Variants in PDZD2 observed in about 807,000 individuals in gnomAD.
The protein encoded by PDZD2 is PDZ domain containing 2.
PDZD2 carries 90 observed loss-of-function variants against 220.7 expected under a neutral mutation model. That is an observed-to-expected ratio of 0.41 (90% CI 0.34 to 0.49). PDZD2 has a LOEUF of 0.49. Among genes scored for constraint, PDZD2 ranks in the 20% least tolerant of loss-of-function variants. The probability of loss-of-function intolerance (pLI) is 0.28; values close to 1 mark genes in which losing one functional copy is unlikely to be tolerated. For missense variants in PDZD2, 3,174 were observed against 3,608.5 expected (o/e 0.88, Z 3.08); for synonymous variants, 1,375 against 1,450.5 (o/e 0.95, Z 1.18).
intron 1 of PDZD2, among the ~76,000 whole-genome samples, chr5:31,673,040 T>C (rs1365901514): frequency 6.6e-6 from 1 of 152,184 alleles, no homozygotes. Flanking sequence ...TTTGAGATAC[T>C]ACGGGGAAAG....
At chr5:31,994,152 G>A (rs1366511416) in intron 3 of PDZD2, among the ~76,000 whole-genome samples, 1 of 151,720 alleles carries the variant, frequency 6.6e-6, no homozygotes, top group Non-Finnish European at 1.5e-5. Context: ...TGAGTATCTG[G>A]GATTATAGGT....
intron 24 of PDZD2, among the ~76,000 whole-genome samples, chr5:32,104,263 GT>G (rs1376336565): frequency 1.3e-5 from 2 of 151,900 alleles, no homozygotes; most frequent in Non-Finnish European, 2.9e-5. Flanking sequence ...TGTTCATTTT[GT>G]TTTCCTGTGT....
At chr5:32,077,802 C>G in intron 19 of PDZD2, 196 bp downstream of exon 19, 1 of 498,110 alleles carries the variant, frequency 2.0e-6, no homozygotes, top group South Asian at 2.0e-5. Context: ...ACTAAAAATA[C>G]AAAAATTAGC....
At chr5:31,813,062 T>A (rs1755216122) in intron 2 of PDZD2, among the ~76,000 whole-genome samples, 1 of 152,322 alleles carries the variant, frequency 6.6e-6, no homozygotes, top group East Asian at 1.9e-4. Flanking sequence ...TTACAACCAC[T>A]AGCATTAAAG....
intron 1 of PDZD2, among the ~76,000 whole-genome samples, chr5:31,733,331 G>A (rs1432788945): frequency 9.2e-5 from 14 of 152,144 alleles, no homozygotes; most frequent in African/African-American, 2.9e-4. Flanking sequence ...AAATCCTGGG[G>A]GTTCAAATGG....
intron 6 of PDZD2, among the ~76,000 whole-genome samples, chr5:32,024,800 A>G (rs754492773): frequency 2.6e-5 from 4 of 152,260 alleles, no homozygotes; most frequent in Non-Finnish European, 5.9e-5. Context: ...GGACCACATA[A>G]TAAGCATTTC....
chr5:32,037,194 G>A, intron 6 of PDZD2, 37 bp from the exon 7 acceptor site: 1 of 1,322,870 alleles, frequency 7.6e-7, no homozygotes, highest in South Asian at 1.2e-5. Context: ...TCGCAGGGCT[G>A]GGCTCTCCCA....
chr5:31,901,874 G>T (rs1388748897), intron 2 of PDZD2, among the ~76,000 whole-genome samples: 1 of 152,108 alleles, frequency 6.6e-6, no homozygotes, highest in African/African-American at 2.4e-5. Flanking sequence ...GTGGTCTTTT[G>T]TGACTGGCTT....
At chr5:31,973,205 C>T (rs1023625154) in intron 2 of PDZD2, among the ~76,000 whole-genome samples, 2 of 152,116 alleles carry the variant, frequency 1.3e-5, no homozygotes, top group African/African-American at 4.8e-5. Flanking sequence ...ATAGAAAGGC[C>T]ATACTGTTAT....
At chr5:31,803,283 T>G (rs1754514288) in intron 2 of PDZD2, among the ~76,000 whole-genome samples, 1 of 141,992 alleles carries the variant, frequency 7.0e-6, no homozygotes, top group South Asian at 2.2e-4. Flanking sequence ...TTTTTTTTTT[T>G]GTAGAGATGG....
At chr5:31,641,725 G>T (rs1744956128) in intron 1 of PDZD2, among the ~76,000 whole-genome samples, 1 of 152,212 alleles carries the variant, frequency 6.6e-6, no homozygotes, top group African/African-American at 2.4e-5. Flanking sequence ...CTGGGCTCAA[G>T]TGATCCTGGT....
chr5:32,003,362 C>CCA lies in PDZD2; in HGVS notation c.1254+3101_1254+3102dup, dbSNP rs1300224584. ...CACCACACACACACCACACACCACA[C>CCA]CACACACACACCACACACACACCCA... On this transcript the variant is annotated intron_variant, in intron 5 of 24. Coordinates refer to ENST00000438447, the MANE Select transcript of PDZD2 (RefSeq NM_178140.4). Among the ~76,000 whole-genome samples the CCA allele has an allele frequency of 3.2e-4, 27 of 85,032 alleles. No individual in the cohort carries two copies. In the East Asian group the frequency reaches 4.3e-3, roughly 14 times the overall value. 55.8% of individuals were successfully genotyped at this position (85,032 alleles called of 152,430 possible). A position where few individuals can be genotyped will look rare whatever the true frequency, so the allele number is the denominator to read the frequency against.
At chr5:31,926,203 G>A (rs377132355) in intron 2 of PDZD2, among the ~76,000 whole-genome samples, 4 of 145,640 alleles carry the variant, frequency 2.7e-5, no homozygotes, top group African/African-American at 1.0e-4. Flanking sequence ...CTGGGCAACG[G>A]AGCAAGACCC....
chr5:31,975,339 G>A (rs1052199415), intron 2 of PDZD2, among the ~76,000 whole-genome samples: 11 of 152,068 alleles, frequency 7.2e-5, no homozygotes, highest in African/African-American at 1.7e-4. Context: ...TAAAACCATC[G>A]GATCTCGTGA....
intron 23 of PDZD2, 126 bp from the exon 24 acceptor site, chr5:32,100,979 A>G: frequency 6.3e-7 from 1 of 1,598,670 alleles, no homozygotes; most frequent in Non-Finnish European, 8.6e-7. Flanking sequence ...TAAGTGCCCC[A>G]GGGTAGATGG....
chr5:31,866,798 G>A (rs1275673707), intron 2 of PDZD2, among the ~76,000 whole-genome samples: 1 of 152,170 alleles, frequency 6.6e-6, no homozygotes, highest in Non-Finnish European at 1.5e-5. Flanking sequence ...ATCAGTGTCA[G>A]TTCATTCGTG....
chr5:32,094,846 C>G (rs1038630054), intron 21 of PDZD2, among the ~76,000 whole-genome samples: 2 of 152,180 alleles, frequency 1.3e-5, no homozygotes, highest in Non-Finnish European at 2.9e-5. Context: ...CCAGCGCACT[C>G]CAGCCTGGGT....
chr5:32,050,927 G>A (rs1162294521), intron 8 of PDZD2, among the ~76,000 whole-genome samples: 1 of 152,144 alleles, frequency 6.6e-6, no homozygotes, highest in Non-Finnish European at 1.5e-5. Flanking sequence ...GTCCAATATG[G>A]TAGCCGTATA....
intron 2 of PDZD2, among the ~76,000 whole-genome samples, chr5:31,976,714 C>CTT (rs869280921): frequency 2.1e-3 from 206 of 99,508 alleles, no homozygotes; most frequent in Non-Finnish European, 2.4e-3. Context: ...TTTCTTCTTT[C>CTT]TTTTTTTTTT....
Sources: gnomAD v4.1 joint callset for allele counts (sites outside exome capture counted in the v4.1 genomes callset) on GRCh38, gnomAD v4.1.1 for gene constraint, MANE v1.5 for transcripts, NCBI Gene and HGNC (gene_info 2026-07-23, HGNC 2026-07-21) for gene names.